Variants in VAMP4 observed in about 807,000 individuals in gnomAD.
VAMP4 encodes the protein vesicle-associated membrane protein 4.
Under a neutral mutation model 23.5 loss-of-function variants are expected in VAMP4, and 19 were observed. The observed-to-expected ratio is 0.81, with a 90% CI of 0.56 to 1.19. VAMP4 has a LOEUF of 1.19. Ranked by LOEUF, VAMP4 falls within the 50% of genes most tolerant of loss-of-function variation. The pLI is 0.00. For missense variants in VAMP4, 145 were observed against 168.6 expected, an observed-to-expected ratio of 0.86 and a Z score of 0.78; for synonymous variants, 31 against 51.0, an observed-to-expected ratio of 0.61 and a Z score of 1.67.
chr1:171,702,805 T>C lies in VAMP4; in HGVS notation c.*1701A>G, dbSNP rs1654492395. On this transcript the variant is annotated 3_prime_UTR_variant, in exon 8 of 8. Transcript: ENST00000236192. ...AAGAGCATAGAGACCAAAGACAATATACACTATAGTATGTAAGACCTTTAT... is the reference window on the plus strand; with the variant it reads ...AAGAGCATAGAGACCAAAGACAATACACACTATAGTATGTAAGACCTTTAT... 1 of 152,018 alleles carries C rather than the reference T, an allele frequency of 6.6e-6. No individual in the cohort carries two copies. Among genetic ancestry groups the C allele is most frequent in the Admixed American group, 6.6e-5 (1 of 15,250 alleles). 9.4% of individuals were successfully genotyped at this position (152,018 alleles called of 1,614,324 possible).
Position 171,700,847 on chromosome 1 carries a change from AT to A in VAMP4, c.*3658del, listed in dbSNP as rs1368075967. The stretch of plus-strand genomic sequence containing the variant: ...TGCTTACTTTAACAAGCTTACATTT[AT>A]CCCCTGTAATTGGGTTGGTCATGCT... On this transcript the variant is annotated 3_prime_UTR_variant, in exon 8 of 8. Transcript: ENST00000236192. 3.3e-5 allele frequency: 5 copies of A among 152,336 alleles called. No homozygotes were observed. The highest frequency in any genetic ancestry group is 1.2e-4 in the African/African-American group (5 of 41,576). The allele number at this position is 152,336 out of a possible 1,614,324, so 9.4% of individuals were successfully genotyped here. A position where few individuals can be genotyped will look rare whatever the true frequency, so the allele number is the denominator to read the frequency against.
At chr1:171,730,475 C>T (rs1235464933) in intron 2 of VAMP4, among the ~76,000 whole-genome samples, 2 of 151,992 alleles carry the variant, frequency 1.3e-5, no homozygotes, top group African/African-American at 4.8e-5. Flanking sequence ...ACTTTTCCAA[C>T]AAAGCCCAGA....
At chr1:171,733,657 T>C (rs1343554656) in intron 2 of VAMP4, among the ~76,000 whole-genome samples, 1 of 152,184 alleles carries the variant, frequency 6.6e-6, no homozygotes, top group Non-Finnish European at 1.5e-5. Flanking sequence ...TAATATTTCA[T>C]ACCCACTAGG....
intron 2 of VAMP4, among the ~76,000 whole-genome samples, chr1:171,736,730 A>G (rs1288674354): frequency 6.6e-6 from 1 of 152,216 alleles, no homozygotes; most frequent in Non-Finnish European, 1.5e-5. Flanking sequence ...TAATCCCAGC[A>G]CTTTGGGAGG....
chr1:171,711,802 G>T (rs936772080), intron 4 of VAMP4, among the ~76,000 whole-genome samples: 1 of 152,132 alleles, frequency 6.6e-6, no homozygotes, highest in East Asian at 1.9e-4. Context: ...TGGATTACTA[G>T]CGACTACAGA....
At chr1:171,738,922 A>G (rs563563725) in intron 1 of VAMP4, among the ~76,000 whole-genome samples, 4 of 152,326 alleles carry the variant, frequency 2.6e-5, no homozygotes, top group East Asian at 1.9e-4. Flanking sequence ...GTCAAATTGG[A>G]TAATACATGC....
intron 3 of VAMP4, among the ~76,000 whole-genome samples, chr1:171,720,037 A>C (rs1655140862): frequency 6.6e-6 from 1 of 151,706 alleles, no homozygotes; most frequent in African/African-American, 2.4e-5. Flanking sequence ...GGAAAAAAAA[A>C]CTGTTTACTG....
intron 3 of VAMP4, among the ~76,000 whole-genome samples, chr1:171,720,470 T>C (rs1035990856): frequency 6.6e-6 from 1 of 151,884 alleles, no homozygotes; most frequent in African/African-American, 2.4e-5. Flanking sequence ...AAATTAAAAC[T>C]TGATAAACTT....
At chr1:171,728,225 C>T (rs999040128) in intron 3 of VAMP4, among the ~76,000 whole-genome samples, 2 of 152,178 alleles carry the variant, frequency 1.3e-5, no homozygotes, top group African/African-American at 2.4e-5. Context: ...CCTGCATATC[C>T]ACATTGTATA....
At chr1:171,724,228 C>A (rs901107422) in intron 3 of VAMP4, among the ~76,000 whole-genome samples, 102 of 150,432 alleles carry the variant, frequency 6.8e-4, no homozygotes, top group African/African-American at 2.2e-3. Context: ...CAAAGACAGA[C>A]AACCAAACAC....
intron 2 of VAMP4, among the ~76,000 whole-genome samples, chr1:171,736,621 C>G (rs1289604798): frequency 6.6e-6 from 1 of 151,846 alleles, no homozygotes; most frequent in African/African-American, 2.4e-5. Context: ...AGCAATTAAT[C>G]TATTGGTGGA....
chr1:171,739,171 A>G, intron 1 of VAMP4, among the ~76,000 whole-genome samples: 1 of 152,224 alleles, frequency 6.6e-6, no homozygotes, highest in Admixed American at 6.5e-5. Flanking sequence ...CCTAGGCATG[A>G]TTAGAAGACT....
At chr1:171,716,284 T>C (rs890781182) in intron 4 of VAMP4, among the ~76,000 whole-genome samples, 4 of 152,198 alleles carry the variant, frequency 2.6e-5, no homozygotes, top group African/African-American at 4.8e-5. Context: ...TATAATGCTA[T>C]TGTTTAATTT....
intron 3 of VAMP4, among the ~76,000 whole-genome samples, chr1:171,720,471 TG>T (rs1469133949): frequency 6.6e-6 from 1 of 151,854 alleles, no homozygotes; most frequent in African/African-American, 2.4e-5. Flanking sequence ...AATTAAAACT[TG>T]ATAAACTTCT....
intron 2 of VAMP4, among the ~76,000 whole-genome samples, chr1:171,730,106 T>C (rs559270200): frequency 7.9e-5 from 12 of 152,284 alleles, no homozygotes; most frequent in African/African-American, 2.9e-4. Context: ...AGAAAGAACA[T>C]AGCCCTACTG....
At chr1:171,740,229 T>C (rs1260749420) in intron 1 of VAMP4, among the ~76,000 whole-genome samples, 1 of 152,228 alleles carries the variant, frequency 6.6e-6, no homozygotes. Flanking sequence ...GTTCAATTAG[T>C]TGCCCATCAG....
rs1253499637 is a variant in VAMP4, at chr1:171,704,587, A to G, written c.398-53T>C. On this transcript the variant is annotated intron_variant, in intron 7 of 7. Transcript: ENST00000236192. ...TATATCAACATCAGATATATATGCT[A>G]TGTTTGAAGCAATATTCCTAAATGT... 2.9e-6 allele frequency: 4 copies of G among 1,363,548 alleles called. No individual in the cohort carries two copies. The East Asian group carries it at 1.0e-4, about 35-fold the overall frequency. The allele number at this position is 1,363,548 out of a possible 1,614,324, so 84.5% of individuals were successfully genotyped here.
intron 6 of VAMP4, among the ~76,000 whole-genome samples, chr1:171,707,392 C>T (rs543858572): frequency 3.9e-4 from 59 of 152,296 alleles, no homozygotes; most frequent in African/African-American, 1.4e-3. Flanking sequence ...TAGGACATTT[C>T]CACCAACACC....
chr1:171,701,790 CT>C lies in VAMP4; in HGVS notation c.*2715del. On this transcript the variant is annotated 3_prime_UTR_variant, in exon 8 of 8. Coordinates refer to ENST00000236192, the MANE Select transcript of VAMP4 (RefSeq NM_003762.5). ...AAATCTGAGGGCAATTTCCAGTGAA[CT>C]TTGTCAGGATAGAGGAACCAAATGA... 6.6e-6 allele frequency: 1 copy of C among 152,170 alleles called. No homozygotes were observed. Among genetic ancestry groups the C allele is most frequent in the East Asian group, 1.9e-4 (1 of 5,186 alleles). 9.4% of individuals were successfully genotyped at this position (152,170 alleles called of 1,614,324 possible).
Sources: gnomAD v4.1 joint callset for allele counts (sites outside exome capture counted in the v4.1 genomes callset) on GRCh38, gnomAD v4.1.1 for gene constraint, MANE v1.5 for transcripts, NCBI Gene and HGNC (gene_info 2026-07-23, HGNC 2026-07-21) for gene names.